ADAM32: variants seen among roughly 807,000 people sequenced by gnomAD.
ADAM32 encodes ADAM metallopeptidase domain 32.
ADAM32 carries 89 observed loss-of-function variants against 114.9 expected under a neutral mutation model. The observed-to-expected ratio is 0.77, with a 90% CI of 0.65 to 0.92. ADAM32 has a LOEUF of 0.92. ADAM32 is among the 40% of genes least tolerant of loss of function. The pLI is 0.00. For missense variants in ADAM32, 870 were observed against 932.8 expected (o/e 0.93, Z 0.88); for synonymous variants, 285 against 307.5 (o/e 0.93, Z 0.77).
intron 14 of ADAM32, among the ~76,000 whole-genome samples, chr8:39,229,791 C>T (rs1304259283): frequency 1.3e-5 from 2 of 151,992 alleles, no homozygotes; most frequent in South Asian, 2.1e-4. Context: ...AGACAGTCAT[C>T]GAGACAGAAA....
chr8:39,250,550 T>C (rs1811223160), intron 17 of ADAM32, among the ~76,000 whole-genome samples: 1 of 152,044 alleles, frequency 6.6e-6, no homozygotes, highest in Non-Finnish European at 1.5e-5. Flanking sequence ...TATTTTAGTT[T>C]TATTTTTTAT....
chr8:39,110,969 T>C (rs1284287394), intron 1 of ADAM32, among the ~76,000 whole-genome samples: 1 of 152,258 alleles, frequency 6.6e-6, no homozygotes, highest in Non-Finnish European at 1.5e-5. Context: ...CTATTCTGGG[T>C]ATTTCGTATA....
intron 10 of ADAM32, among the ~76,000 whole-genome samples, chr8:39,177,789 GA>G: frequency 6.6e-6 from 1 of 152,308 alleles, no homozygotes; most frequent in Middle Eastern, 3.4e-3. Flanking sequence ...GGCTAAATAT[GA>G]AATTCTGGGT....
chr8:39,227,318 G>A (rs961883768), intron 14 of ADAM32, among the ~76,000 whole-genome samples: 1 of 152,200 alleles, frequency 6.6e-6, no homozygotes, highest in South Asian at 2.1e-4. Context: ...AATTTAGAGA[G>A]CTGGGCAAAA....
At chr8:39,179,198 A>G (rs1805699758) in intron 10 of ADAM32, among the ~76,000 whole-genome samples, 1 of 151,994 alleles carries the variant, frequency 6.6e-6, no homozygotes, top group South Asian at 2.1e-4. Flanking sequence ...GAGAGATCAG[A>G]GTTCTGGTCT....
intron 10 of ADAM32, among the ~76,000 whole-genome samples, chr8:39,174,001 T>C (rs112629737): frequency 0.086 from 13,038 of 152,230 alleles, 751 homozygotes; most frequent in Middle Eastern, 0.17. Context: ...ATTTTTGTAT[T>C]TTTAGTAGAT....
At chr8:39,263,944 T>G (rs899618341) in intron 19 of ADAM32, among the ~76,000 whole-genome samples, 3 of 152,224 alleles carry the variant, frequency 2.0e-5, no homozygotes, top group Non-Finnish European at 4.4e-5. Context: ...ATTTTCAGTG[T>G]ATAATTTGAT....
At chr8:39,203,071 A>G (rs577491398) in intron 11 of ADAM32, among the ~76,000 whole-genome samples, 6 of 152,248 alleles carry the variant, frequency 3.9e-5, no homozygotes, top group Admixed American at 3.3e-4. Flanking sequence ...CAATTTTGGG[A>G]TAAGTGTGAT....
chr8:39,215,678 A>G (rs1564617516), intron 12 of ADAM32, among the ~76,000 whole-genome samples: 2 of 151,900 alleles, frequency 1.3e-5, no homozygotes, highest in Non-Finnish European at 2.9e-5. Context: ...TTTAATTTCC[A>G]TGTATTTGTA....
chr8:39,123,365 C>A (rs1159034080), intron 2 of ADAM32, among the ~76,000 whole-genome samples: 1 of 152,006 alleles, frequency 6.6e-6, no homozygotes, highest in Non-Finnish European at 1.5e-5. Flanking sequence ...TTTAGAACAA[C>A]TAAAAATACC....
At chr8:39,245,726 A>G (rs1361675065) in intron 16 of ADAM32, among the ~76,000 whole-genome samples, 1 of 152,154 alleles carries the variant, frequency 6.6e-6, no homozygotes, top group Non-Finnish European at 1.5e-5. Context: ...CACTTAAGCT[A>G]TAGTACTTTG....
chr8:39,183,662 A>G (rs1272115397), intron 10 of ADAM32, among the ~76,000 whole-genome samples: 1 of 152,226 alleles, frequency 6.6e-6, no homozygotes, highest in East Asian at 1.9e-4. Context: ...CATTAGTGAC[A>G]TCCTTCCTAC....
At chr8:39,199,521 T>G (rs898190887) in intron 11 of ADAM32, among the ~76,000 whole-genome samples, 3 of 152,242 alleles carry the variant, frequency 2.0e-5, no homozygotes, top group Non-Finnish European at 4.4e-5. Context: ...TTTATTGAAA[T>G]AATCACTTTC....
At chr8:39,167,213 T>C (rs894650939) in intron 9 of ADAM32, 3 of 152,196 alleles carry the variant, frequency 2.0e-5, no homozygotes, top group Non-Finnish European at 4.4e-5. Flanking sequence ...CTTGAGTTGA[T>C]TTTTGTATAA....
At chr8:39,232,993 T>C (rs1169644670) in intron 15 of ADAM32, among the ~76,000 whole-genome samples, 2 of 152,156 alleles carry the variant, frequency 1.3e-5, no homozygotes, top group Admixed American at 6.6e-5. Flanking sequence ...TATGGGGTGA[T>C]ATAAAATGCT....
chr8:39,183,217 C>T (rs1016510538), intron 10 of ADAM32, among the ~76,000 whole-genome samples: 2 of 152,164 alleles, frequency 1.3e-5, no homozygotes, highest in African/African-American at 4.8e-5. Context: ...AGAGCAACCC[C>T]AAAGAATCAT....
At chr8:39,268,221 TGA>T (rs1053129824) in intron 19 of ADAM32, among the ~76,000 whole-genome samples, 4 of 152,244 alleles carry the variant, frequency 2.6e-5, no homozygotes, top group African/African-American at 9.6e-5. Flanking sequence ...CACTAGTGTA[TGA>T]GAGTTGTAGT....
chr8:39,125,678 A>G (rs1427844253), intron 2 of ADAM32, among the ~76,000 whole-genome samples: 1 of 152,066 alleles, frequency 6.6e-6, no homozygotes, highest in Non-Finnish European at 1.5e-5. Context: ...TTTTAGTTTA[A>G]TTAGATCCCA....
At position 39,213,389 on chromosome 8, in the gene ADAM32, A is replaced by G. The variant is rs571715552; in HGVS notation, c.1233+2065A>G. On this transcript the variant is annotated intron_variant, in intron 12 of 24. Coordinates refer to ENST00000379907, the MANE Select transcript of ADAM32 (RefSeq NM_145004.7). Reference sequence around the variant, plus strand: ...AAGTATACAATAAATTATTAACTATAATTTCCCTACTGTACTATTGAGTGC... The same window carrying G: ...AAGTATACAATAAATTATTAACTATGATTTCCCTACTGTACTATTGAGTGC... Among the ~76,000 whole-genome samples the G allele has an allele frequency of 3.3e-5, 5 of 152,176 alleles. No individual in the cohort carries two copies. The South Asian group carries it at 8.3e-4, about 25-fold the overall frequency.
Sources: allele counts gnomAD v4.1 joint callset (sites outside exome capture counted in the v4.1 genomes callset), GRCh38; gene constraint gnomAD v4.1.1; transcripts MANE v1.5; gene names NCBI Gene and HGNC (gene_info 2026-07-23, HGNC 2026-07-21).